LINGO1: variants seen among roughly 807,000 people sequenced by gnomAD.
LINGO1 encodes leucine-rich repeat and immunoglobulin-like domain-containing nogo receptor-interacting protein 1.
Under a neutral mutation model 37.3 loss-of-function variants are expected in LINGO1, and 11 were observed. The observed-to-expected ratio is 0.29, with a 90% CI of 0.19 to 0.49. The LOEUF (loss-of-function observed/expected upper bound fraction) is 0.49. LINGO1 is among the 20% of genes least tolerant of loss of function. The pLI is 0.99. For synonymous variants in LINGO1, 387 were observed against 403.0 expected (o/e 0.96, Z 0.48); for missense variants, 585 against 878.2 (o/e 0.67, Z 4.22).
intron 3 of LINGO1, chr15:77,667,845 A>T (rs1166690648): frequency 6.6e-6 from 1 of 152,218 alleles, no homozygotes; most frequent in Admixed American, 6.5e-5. Flanking sequence ...GGAGAGCTAC[A>T]CATGGAGAAA....
chr15:77,775,944 C>T (rs939039877), intron 1 of LINGO1, among the ~76,000 whole-genome samples: 2 of 152,130 alleles, frequency 1.3e-5, no homozygotes, highest in Non-Finnish European at 2.9e-5. Context: ...ATTAGCACAA[C>T]CTGATGTCTC....
intron 2 of LINGO1, among the ~76,000 whole-genome samples, chr15:77,702,506 C>G (rs557506807): frequency 6.6e-6 from 1 of 152,160 alleles, no homozygotes; most frequent in Non-Finnish European, 1.5e-5. Context: ...AAAGCCTCAA[C>G]AAAACACAGG....
intron 3 of LINGO1, chr15:77,651,239 AAATG>A (rs1166002507): frequency 6.6e-6 from 1 of 152,240 alleles, no homozygotes; most frequent in Non-Finnish European, 1.5e-5. Context: ...TTTTTTGAAT[AAATG>A]AATGAATGAC....
At chr15:77,791,920 C>T (rs1311198262), upstream of LINGO1, among the ~76,000 whole-genome samples, 1 of 152,052 alleles carries the variant, frequency 6.6e-6, no homozygotes, top group African/African-American at 2.4e-5. Context: ...TAACAGCCCA[C>T]CCAGAAGCAG....
chr15:77,630,037 G>A (rs1404736202), intron 1 of LINGO1, among the ~76,000 whole-genome samples: 1 of 152,094 alleles, frequency 6.6e-6, no homozygotes. Context: ...AGAACAGAAA[G>A]CCTCCAGAGA....
intron 1 of LINGO1, among the ~76,000 whole-genome samples, chr15:77,747,776 A>G (rs1438321155): frequency 1.3e-5 from 2 of 152,232 alleles, no homozygotes; most frequent in Non-Finnish European, 2.9e-5. Context: ...AAAGGGAAAC[A>G]TCGTTCCGCT....
upstream of LINGO1, among the ~76,000 whole-genome samples, chr15:77,699,722 A>AAGTGCATACTAACCATCCCCGCACACAG (rs1567532202): frequency 7.5e-5 from 1 of 13,356 alleles, no homozygotes; most frequent in African/African-American, 2.4e-4. Flanking sequence ...CCCACACACA[A>AAGTGCATACTAACCATCCCCGCACACAG]TAAGCACATA....
intron 2 of LINGO1, among the ~76,000 whole-genome samples, chr15:77,730,621 C>G (rs1334947548): frequency 6.6e-6 from 1 of 152,240 alleles, no homozygotes; most frequent in East Asian, 1.9e-4. Flanking sequence ...AGGCATCAGG[C>G]CTGGGCCACA....
At chr15:77,783,706 C>T (rs764100710) in intron 1 of LINGO1, among the ~76,000 whole-genome samples, 6 of 152,202 alleles carry the variant, frequency 3.9e-5, no homozygotes, top group African/African-American at 7.2e-5. Flanking sequence ...GCTGCTAAAA[C>T]GAATCCCATG....
At chr15:77,761,567 A>G (rs2076477630) in intron 1 of LINGO1, among the ~76,000 whole-genome samples, 1 of 152,218 alleles carries the variant, frequency 6.6e-6, no homozygotes, top group African/African-American at 2.4e-5. Context: ...TTGAGTTAAG[A>G]TGTCTAGACT....
chr15:77,752,371 A>C (rs1460429130), intron 1 of LINGO1, among the ~76,000 whole-genome samples: 5 of 152,208 alleles, frequency 3.3e-5, no homozygotes, highest in Non-Finnish European at 7.3e-5. Context: ...TGGTGAAGAC[A>C]TTATTTCATC....
intron 1 of LINGO1, among the ~76,000 whole-genome samples, chr15:77,617,140 G>A (rs983527163): frequency 6.6e-6 from 1 of 152,184 alleles, no homozygotes; most frequent in Non-Finnish European, 1.5e-5. Context: ...CAGGAGCGGG[G>A]TCCAGCTTGC....
chr15:77,815,248 C>G (rs1018699755), intron 1 of LINGO1, among the ~76,000 whole-genome samples: 8 of 152,322 alleles, frequency 5.3e-5, no homozygotes, highest in Admixed American at 6.5e-5. Flanking sequence ...GCTGAAACAA[C>G]TGCCTAAGGA....
chr15:77,774,342 C>T (rs2076615804), intron 1 of LINGO1, among the ~76,000 whole-genome samples: 1 of 152,088 alleles, frequency 6.6e-6, no homozygotes. Flanking sequence ...CTCTGCCCAC[C>T]TCTCCCAGGG....
intron 1 of LINGO1, chr15:77,784,833 A>C (rs2141433168): frequency 6.6e-6 from 1 of 152,268 alleles, no homozygotes; most frequent in South Asian, 2.1e-4. Context: ...GGAGCCAGGT[A>C]CTGCAGACCC....
rs755716462 is a variant in LINGO1, at chr15:77,680,284, C to T, written c.-98-3110G>A. On this transcript the variant is annotated intron_variant, in intron 2 of 3. Coordinates refer to the LINGO1 transcript ENST00000559893. ...ATGGAATGTGAGTTCATGTGGTAAA[C>T]GGAGGAAGGAAGACAGCCTTTGTCA... 1.2e-4 allele frequency among the ~76,000 whole-genome samples: 19 copies of T among 152,250 alleles called. No homozygotes were observed. The Middle Eastern group carries it at 0.014, about 109-fold the overall frequency.
At chr15:77,705,173 T>TCACA (rs1187038083) in intron 2 of LINGO1, among the ~76,000 whole-genome samples, 1 of 44,108 alleles carries the variant, frequency 2.3e-5, no homozygotes, top group Non-Finnish European at 5.8e-5. Context: ...CCCCCTGCCA[T>TCACA]GACACACACA....
chr15:77,628,604 G>T (rs1053190867), intron 1 of LINGO1, among the ~76,000 whole-genome samples: 21 of 152,222 alleles, frequency 1.4e-4, no homozygotes, highest in Non-Finnish European at 4.4e-5. Context: ...ACGGGACGGG[G>T]TGTGCAGGAG....
At chr15:77,624,468 C>A (rs1331403795) in intron 1 of LINGO1, among the ~76,000 whole-genome samples, 2 of 152,192 alleles carry the variant, frequency 1.3e-5, no homozygotes, top group Admixed American at 1.3e-4. Flanking sequence ...TGCCCCTGCC[C>A]ACCTCACCAA....
Sources: gnomAD v4.1 joint callset for allele counts (sites outside exome capture counted in the v4.1 genomes callset) on GRCh38, gnomAD v4.1.1 for gene constraint, MANE v1.5 for transcripts, NCBI Gene and HGNC (gene_info 2026-07-23, HGNC 2026-07-21) for gene names.